The following NIPSNAP2 variants were observed in gnomAD, a reference collection of about 807,000 sequenced individuals.
The protein encoded by NIPSNAP2 is protein NipSnap homolog 2.
A neutral mutation model predicts 48.4 loss-of-function variants in NIPSNAP2; 42 were observed. That is an observed-to-expected ratio of 0.87 (90% CI 0.68 to 1.12). The LOEUF (loss-of-function observed/expected upper bound fraction) is 1.12. Among genes scored for constraint, NIPSNAP2 ranks in the 50% most tolerant of loss-of-function variants. NIPSNAP2 has a pLI of 0.00. For synonymous variants in NIPSNAP2, 158 were observed against 126.6 expected, an observed-to-expected ratio of 1.25 and a Z score of -1.67; for missense variants, 314 against 347.3, an observed-to-expected ratio of 0.90 and a Z score of 0.76.
intron 7 of NIPSNAP2, among the ~76,000 whole-genome samples, chr7:55,992,924 A>G (rs1787481202): frequency 6.6e-6 from 1 of 152,208 alleles, no homozygotes; most frequent in Non-Finnish European, 1.5e-5. Context: ...GCTTTTGAAA[A>G]AATGGGCACA....
Position 55,990,412 on chromosome 7 carries a change from T to C in NIPSNAP2, c.618-4482T>C, listed in dbSNP as rs775088443. ...CCCGGCTAATTTTTTGTGTGTTTTT[T>C]AGTAGAGACGGGGTTTCACTGTGTT... On this transcript the variant is annotated intron_variant, in intron 7 of 9. Transcript: ENST00000322090. 7.9e-5 allele frequency among the ~76,000 whole-genome samples: 12 copies of C among 152,014 alleles called. 1 individual carries two copies. Among genetic ancestry groups the C allele is most frequent in the Non-Finnish European group, 1.8e-4 (12 of 67,990 alleles).
chr7:55,983,957 A>G, intron 6 of NIPSNAP2, 89 bp downstream of exon 6: 1 of 1,172,058 alleles, frequency 8.5e-7, no homozygotes, highest in Non-Finnish European at 1.2e-6. Flanking sequence ...TTGTGTGTAC[A>G]TTCTGTGATG....
chr7:55,968,418 C>T (rs886839469), intron 1 of NIPSNAP2, among the ~76,000 whole-genome samples: 4 of 150,208 alleles, frequency 2.7e-5, no homozygotes, highest in Non-Finnish European at 4.4e-5. Flanking sequence ...CAGAGTCTCG[C>T]TCTGTCACCC....
intron 1 of NIPSNAP2, among the ~76,000 whole-genome samples, chr7:55,968,301 G>A (rs1050015406): frequency 6.6e-5 from 10 of 152,144 alleles, no homozygotes; most frequent in African/African-American, 2.4e-4. Context: ...TGTGATGATA[G>A]CATTGTAGTT....
chr7:55,999,101 C>A lies in NIPSNAP2; in HGVS notation c.*29C>A, dbSNP rs539398861. On this transcript the variant is annotated 3_prime_UTR_variant, in exon 10 of 10. Transcript: ENST00000322090. ...TGTAGAGTTTCTATGTGCCTACATA[C>A]ATTTCTGTGACAAGTATTTGTCGTA... The A allele has an allele frequency of 3.6e-5, 55 of 1,528,764 alleles. No homozygotes were observed. The highest frequency in any genetic ancestry group is 4.7e-5 in the Non-Finnish European group (52 of 1,108,988). The allele number at this position is 1,528,764 out of a possible 1,614,324, so 94.7% of individuals were successfully genotyped here. A position where few individuals can be genotyped will look rare whatever the true frequency, so the allele number is the denominator to read the frequency against.
At chr7:55,969,568 T>C (rs1221289457) in intron 1 of NIPSNAP2, among the ~76,000 whole-genome samples, 1 of 152,172 alleles carries the variant, frequency 6.6e-6, no homozygotes, top group Non-Finnish European at 1.5e-5. Context: ...GCTTGTCTGT[T>C]TGAGTTGTGA....
intron 7 of NIPSNAP2, among the ~76,000 whole-genome samples, chr7:55,987,950 T>G (rs559986313): frequency 2.6e-5 from 4 of 152,102 alleles, no homozygotes; most frequent in Admixed American, 2.0e-4. Flanking sequence ...TGTTAACGTG[T>G]TTTTTTTACC....
At chr7:55,990,757 T>A (rs921933293) in intron 7 of NIPSNAP2, among the ~76,000 whole-genome samples, 1 of 151,858 alleles carries the variant, frequency 6.6e-6, no homozygotes, top group African/African-American at 2.4e-5. Context: ...CCTTTTTTTT[T>A]AACTTCAACT....
At chr7:55,984,208 A>G (rs2116356519) in intron 6 of NIPSNAP2, among the ~76,000 whole-genome samples, 1 of 152,328 alleles carries the variant, frequency 6.6e-6, no homozygotes. Flanking sequence ...TGAACAAATT[A>G]TATAACATGA....
intron 5 of NIPSNAP2, among the ~76,000 whole-genome samples, chr7:55,982,730 C>A (rs1462955387): frequency 6.7e-6 from 1 of 148,346 alleles, no homozygotes; most frequent in Admixed American, 6.8e-5. Flanking sequence ...CCAGCCTGGG[C>A]GACAGAGCAA....
intron 4 of NIPSNAP2, chr7:55,981,810 T>C (rs540039567): frequency 2.4e-6 from 1 of 413,198 alleles, no homozygotes. Context: ...GGCATTACAG[T>C]TTTTTTGTTT....
intron 8 of NIPSNAP2, among the ~76,000 whole-genome samples, chr7:55,995,374 C>G (rs1243924362): frequency 6.6e-6 from 1 of 152,192 alleles, no homozygotes; most frequent in Admixed American, 6.5e-5. Context: ...TGCACATACT[C>G]ACTGCCTGCC....
intron 3 of NIPSNAP2, chr7:55,979,266 C>G (rs1001499132): frequency 6.5e-6 from 1 of 152,748 alleles, no homozygotes; most frequent in Admixed American, 6.5e-5. Flanking sequence ...ATGTTTATTT[C>G]TAAGTCTTTT....
chr7:55,975,614 G>C (rs1289413085), intron 1 of NIPSNAP2, among the ~76,000 whole-genome samples: 1 of 152,108 alleles, frequency 6.6e-6, no homozygotes, highest in Non-Finnish European at 1.5e-5. Flanking sequence ...TTGTGATGCT[G>C]GTTACATTAC....
intron 1 of NIPSNAP2, 76 bp from the exon 2 acceptor site, chr7:55,978,050 T>C: frequency 6.5e-7 from 1 of 1,533,846 alleles, no homozygotes. Context: ...GAATAGCTGC[T>C]CACTGTGTTT....
intron 4 of NIPSNAP2, 129 bp from the exon 5 acceptor site, chr7:55,982,081 A>G (rs1220753101): frequency 7.7e-6 from 4 of 516,676 alleles, no homozygotes; most frequent in African/African-American, 2.0e-5. Flanking sequence ...TGCTGGGATT[A>G]CAGGCATGAG....
chr7:55,978,254 A>G lies in NIPSNAP2; in HGVS notation c.221A>G (p.Tyr74Cys). 6.2e-7 allele frequency: 1 copy of G among 1,614,188 alleles called. No homozygotes were observed. The highest frequency in any genetic ancestry group is 8.5e-7 in the Non-Finnish European group (1 of 1,180,038). ...GCCAAAAAGGAAACAAGCAATCTAT[A>G]CAAATTACAGTGTGAGTGACAGGTT... Reference protein sequence around the residue: ...LLAKKETSNLYKLQFHNVKPE... With the variant: ...LLAKKETSNLCKLQFHNVKPE... Residue 74 changes from tyrosine to cysteine, a missense_variant, in exon 2 of 10, where the codon TAC becomes TGC. Physicochemically the swap from Tyr to Cys is radical, Grantham distance 194 (BLOSUM62 -2). Coordinates refer to ENST00000322090, the MANE Select transcript of NIPSNAP2 (RefSeq NM_001483.3).
At chr7:55,964,830 AGTGGGGCCGGAGCTGGG>A (rs1052351663) in intron 1 of NIPSNAP2, 129 bp downstream of exon 1, 14 of 298,866 alleles carry the variant, frequency 4.7e-5, no homozygotes, top group South Asian at 1.4e-4. Context: ...GCCTCGGGGC[AGTGGGGCCGGAGCTGGG>A]GTGGGGCCGG....
At chr7:55,990,868 A>G (rs1174604449) in intron 7 of NIPSNAP2, among the ~76,000 whole-genome samples, 6 of 150,828 alleles carry the variant, frequency 4.0e-5, no homozygotes, top group Non-Finnish European at 7.4e-5. Flanking sequence ...GCTCACTCCA[A>G]TCTCTGCCTC....
Sources: allele counts gnomAD v4.1 joint callset (sites outside exome capture counted in the v4.1 genomes callset), GRCh38; gene constraint gnomAD v4.1.1; transcripts MANE v1.5; gene names NCBI Gene and HGNC (gene_info 2026-07-23, HGNC 2026-07-21).